Variants in AMZ1 observed in about 807,000 individuals in gnomAD.
The protein encoded by AMZ1 is archaemetzincin-1.
A neutral mutation model predicts 29.9 loss-of-function variants in AMZ1; 39 were observed. The ratio of observed to expected loss-of-function variants is 1.30; its 90% CI spans 1.01 to 1.70. AMZ1 has a LOEUF of 1.70. AMZ1 is among the 40% of genes most tolerant of loss of function. The pLI, the probability that AMZ1 is intolerant of heterozygous loss-of-function variation, is 0.00. For synonymous variants in AMZ1, 458 were observed against 304.0 expected, an observed-to-expected ratio of 1.51 and a Z score of -5.27; for missense variants, 1,041 against 680.6, an observed-to-expected ratio of 1.53 and a Z score of -5.89.
At position 2,731,416 on chromosome 7, in the gene AMZ1, T is replaced by G; in HGVS notation, n.550+21600T>G. ...CTTCTTGATGCTCACGGTCTTCACC[T>G]TCTCCACCAGGAGGTCCATCTTGTT... On this transcript the variant is annotated intron_variant and non_coding_transcript_variant, in intron 4 of 4. Coordinates refer to the AMZ1 transcript ENST00000489665. The surrounding 1 kb of genome is among the most constrained non-coding windows in gnomAD (Gnocchi z 6.0). 1 of 1,613,336 alleles carries G rather than the reference T, an allele frequency of 6.2e-7. No individual in the cohort carries two copies. Among genetic ancestry groups the G allele is most frequent in the Non-Finnish European group, 8.5e-7 (1 of 1,179,458 alleles).
In AMZ1 at chr7:2,755,462, T is replaced by C. The variant is rs13233012; in HGVS notation, n.551-9250T>C. On this transcript the variant is annotated intron_variant and non_coding_transcript_variant, in intron 4 of 4. Transcript: ENST00000489665. ...CTTATCAAACAAGTCCTCTAGATGT[T>C]GTGTTAAATTTACACCACAGTATTT... Among the ~76,000 whole-genome samples the C allele has an allele frequency of 2.7e-3, 411 of 152,336 alleles. 3 individuals are homozygous for C. Among genetic ancestry groups the C allele is most frequent in the Non-Finnish European group, 3.2e-3 (219 of 68,022 alleles).
chr7:2,722,617 G>C (rs568334837), downstream of AMZ1, among the ~76,000 whole-genome samples: 45 of 152,286 alleles, frequency 3.0e-4, no homozygotes, highest in Middle Eastern at 3.4e-3. Flanking sequence ...AGGTCAAAAG[G>C]TAATTTTTTG....
intron 4 of AMZ1, among the ~76,000 whole-genome samples, chr7:2,741,576 G>A (rs904770762): frequency 1.3e-5 from 2 of 152,152 alleles, no homozygotes; most frequent in Admixed American, 6.5e-5. Context: ...TTGGGGCTAG[G>A]ACAGAGGTAT....
Position 2,718,079 on chromosome 7 carries a change from C to T in AMZ1, c.*5201C>T, listed in dbSNP as rs747971708. ...CTGCCCTCTCTGAGAGGGGCCCGAG[C>T]TCTCGCAAGATTAACCAGAGACGAC... On this transcript the variant is annotated 3_prime_UTR_variant, in exon 7 of 7. Transcript: ENST00000683327. Among the ~76,000 whole-genome samples the T allele has an allele frequency of 3.3e-5, 5 of 152,210 alleles. No individual in the cohort carries two copies. The highest frequency in any genetic ancestry group is 7.3e-5 in the Non-Finnish European group (5 of 68,036).
chr7:2,683,659 C>T (rs1286235447), upstream of AMZ1, among the ~76,000 whole-genome samples: 8 of 152,090 alleles, frequency 5.3e-5, no homozygotes, highest in East Asian at 3.9e-4. Flanking sequence ...AGGATGGTCT[C>T]GATCTCCTGA....
intron 4 of AMZ1, among the ~76,000 whole-genome samples, chr7:2,725,111 C>G (rs1053671451): frequency 9.9e-5 from 15 of 152,248 alleles, no homozygotes; most frequent in African/African-American, 3.6e-4. Context: ...CTGCTGGGTT[C>G]TGCGAGCGCA....
At chr7:2,725,701 T>C (rs2115256997) in intron 4 of AMZ1, among the ~76,000 whole-genome samples, 1 of 152,268 alleles carries the variant, frequency 6.6e-6, no homozygotes, top group South Asian at 2.1e-4. Flanking sequence ...AGACTCTGCC[T>C]CTCCCTGGTC....
intron 4 of AMZ1, among the ~76,000 whole-genome samples, chr7:2,740,491 T>A (rs1304100797): frequency 6.6e-6 from 1 of 152,190 alleles, no homozygotes; most frequent in African/African-American, 2.4e-5. Context: ...GCCACCCAGA[T>A]CCTCAATTTC....
intron 4 of AMZ1, among the ~76,000 whole-genome samples, chr7:2,744,181 C>A (rs798508): frequency 2.0e-5 from 3 of 152,054 alleles, no homozygotes; most frequent in Non-Finnish European, 4.4e-5. Context: ...AGTGGTTCTC[C>A]CAGCACGCAG....
intron 1 of AMZ1, among the ~76,000 whole-genome samples, chr7:2,682,506 C>A (rs1045983392): frequency 1.3e-5 from 2 of 152,190 alleles, no homozygotes; most frequent in African/African-American, 2.4e-5. Context: ...GAGCCCATGG[C>A]AGGGAAGAGG....
chr7:2,683,747 T>G (rs1446584477), upstream of AMZ1, among the ~76,000 whole-genome samples: 1 of 152,040 alleles, frequency 6.6e-6, no homozygotes, highest in Non-Finnish European at 1.5e-5. Context: ...TCTGTCTGTT[T>G]TTTACAATAT....
At position 2,719,627 on chromosome 7, in the gene AMZ1, A is replaced by G. The variant is rs1266686861; in HGVS notation, c.*6749A>G. On this transcript the variant is annotated 3_prime_UTR_variant, in exon 7 of 7. Transcript: ENST00000683327. Reference sequence around the variant, plus strand: ...AAATAAATTGTTACTCAGCTTTTCTATAATGCTTACATCTTACATTTTCAT... The same window carrying G: ...AAATAAATTGTTACTCAGCTTTTCTGTAATGCTTACATCTTACATTTTCAT... Among the ~76,000 whole-genome samples the G allele has an allele frequency of 1.3e-5, 2 of 152,228 alleles. No individual in the cohort carries two copies. Among genetic ancestry groups the G allele is most frequent in the Non-Finnish European group, 2.9e-5 (2 of 68,048 alleles).
At chr7:2,682,029 T>G (rs999640548) in intron 1 of AMZ1, among the ~76,000 whole-genome samples, 3 of 152,166 alleles carry the variant, frequency 2.0e-5, no homozygotes, top group African/African-American at 4.8e-5. Flanking sequence ...CACTTTGCAC[T>G]GAGCGCGCCC....
chr7:2,689,708 G>T (rs1009374684), intron 1 of AMZ1, among the ~76,000 whole-genome samples: 1 of 152,226 alleles, frequency 6.6e-6, no homozygotes, highest in Non-Finnish European at 1.5e-5. Flanking sequence ...GAGGACGCAG[G>T]CATGAGACCT....
chr7:2,689,381 T>G (rs1787253007), intron 1 of AMZ1, among the ~76,000 whole-genome samples: 2 of 138,848 alleles, frequency 1.4e-5, no homozygotes, highest in African/African-American at 2.6e-5. Context: ...GGGGGGGGGA[T>G]GCGGACGTGC....
chr7:2,721,421 T>C (rs1789416094), downstream of AMZ1, among the ~76,000 whole-genome samples: 1 of 152,096 alleles, frequency 6.6e-6, no homozygotes, highest in Admixed American at 6.5e-5. Context: ...CATTCTTCTG[T>C]TTGAAAGCAG....
chr7:2,724,214 C>T (rs916650995), downstream of AMZ1, among the ~76,000 whole-genome samples: 5 of 152,194 alleles, frequency 3.3e-5, no homozygotes, highest in Admixed American at 6.5e-5. Flanking sequence ...CCACTGCGCC[C>T]GGCCACTTCT....
At chr7:2,732,567 G>C (rs1319823719) in intron 4 of AMZ1, among the ~76,000 whole-genome samples, 2 of 151,986 alleles carry the variant, frequency 1.3e-5, no homozygotes, top group Non-Finnish European at 2.9e-5. Flanking sequence ...AAACAAAACA[G>C]AACAAAAAAC....
chr7:2,689,864 C>G (rs1263483538), intron 1 of AMZ1, among the ~76,000 whole-genome samples: 1 of 152,082 alleles, frequency 6.6e-6, no homozygotes, highest in Non-Finnish European at 1.5e-5. Context: ...CGAAGCTGAC[C>G]CCCACTAAGG....
Sources: gnomAD v4.1 joint callset for allele counts (sites outside exome capture counted in the v4.1 genomes callset) on GRCh38, gnomAD v4.1.1 for gene constraint, Gnocchi (gnomAD v3.1) non-coding constraint, MANE v1.5 for transcripts, NCBI Gene and HGNC (gene_info 2026-07-23, HGNC 2026-07-21) for gene names.